Variants in SP4 observed in about 807,000 individuals in gnomAD.
The protein encoded by SP4 is transcription factor Sp4.
Under a neutral mutation model 72.8 loss-of-function variants are expected in SP4, and 19 were observed. The observed-to-expected ratio is 0.26, with a 90% CI of 0.18 to 0.38. The LOEUF (loss-of-function observed/expected upper bound fraction) is 0.38, where lower values mean the gene tolerates loss of function less well. Among genes scored for constraint, SP4 ranks in the 10% least tolerant of loss-of-function variants. SP4 has a pLI of 1.00. For synonymous variants in SP4, 395 were observed against 333.1 expected (o/e 1.19, Z -2.02); for missense variants, 1,008 against 926.3 (o/e 1.09, Z -1.14).
intron 5 of SP4, among the ~76,000 whole-genome samples, chr7:21,486,437 ATTTG>A (rs1051611059): frequency 1.9e-4 from 29 of 151,986 alleles, no homozygotes; most frequent in African/African-American, 6.5e-4. Context: ...AACACACTGC[ATTTG>A]TTTGTCATGT....
At chr7:21,442,558 CAGA>C (rs1449160446) in intron 3 of SP4, among the ~76,000 whole-genome samples, 1 of 151,996 alleles carries the variant, frequency 6.6e-6, no homozygotes, top group Non-Finnish European at 1.5e-5. Context: ...AATAGAATCC[CAGA>C]AGAAGGAAGA....
At chr7:21,434,519 A>G (rs1278095858) in intron 3 of SP4, among the ~76,000 whole-genome samples, 1 of 152,222 alleles carries the variant, frequency 6.6e-6, no homozygotes, top group African/African-American at 2.4e-5. Context: ...CATTAGTTAG[A>G]ATTGTAGTAG....
At chr7:21,485,970 C>T (rs760774560) in intron 5 of SP4, among the ~76,000 whole-genome samples, 1 of 151,908 alleles carries the variant, frequency 6.6e-6, no homozygotes, top group Non-Finnish European at 1.5e-5. Flanking sequence ...CTACTCTCTT[C>T]GTTGCTGGAA....
intron 3 of SP4, among the ~76,000 whole-genome samples, chr7:21,433,943 CA>C (rs569313640): frequency 1.2e-4 from 17 of 138,818 alleles, no homozygotes; most frequent in Admixed American, 2.9e-4. Context: ...AACTCCATCT[CA>C]AAAAAAAAAG....
chr7:21,494,386 G>A (rs1048547545), intron 5 of SP4, among the ~76,000 whole-genome samples: 4 of 152,182 alleles, frequency 2.6e-5, no homozygotes, highest in Middle Eastern at 3.4e-3. Flanking sequence ...TAGCAAATCC[G>A]TGGTGCCTAC....
In SP4 at chr7:21,486,761, A is replaced by G. The variant is rs186407390; in HGVS notation, c.2107+4638A>G. On this transcript the variant is annotated intron_variant, in intron 5 of 5. Transcript: ENST00000222584. ...GTAAAGTTACAGTTTCTCTCTTTCC[A>G]TATTGTTTGTTAGAAGCAAGTCACT... Among the ~76,000 whole-genome samples, 7 of 152,234 alleles carry G rather than the reference A, an allele frequency of 4.6e-5. No homozygotes were observed. In the East Asian group the frequency reaches 1.2e-3, roughly 25 times the overall value.
Position 21,512,223 on chromosome 7 carries a change from G to A in SP4, c.*954G>A, listed in dbSNP as rs1003421328. The A allele has an allele frequency of 6.6e-6, 1 of 152,512 alleles. No individual in the cohort carries two copies. The highest frequency in any genetic ancestry group is 2.4e-5 in the African/African-American group (1 of 41,416). The allele number at this position is 152,512 out of a possible 1,614,324, so 9.4% of individuals were successfully genotyped here. ...GTTGACAATGTGCAGAATTCTTTAT[G>A]CTTTGATGTGGTAGCCAAAGAAAGA... is the stretch of plus-strand genomic sequence containing the variant. On this transcript the variant is annotated 3_prime_UTR_variant, in exon 6 of 6. Coordinates refer to ENST00000222584, the MANE Select transcript of SP4 (RefSeq NM_003112.5).
chr7:21,451,688 G>A (rs1446721546), intron 3 of SP4, among the ~76,000 whole-genome samples: 1 of 152,172 alleles, frequency 6.6e-6, no homozygotes, highest in Non-Finnish European at 1.5e-5. Context: ...CTATAGAAGG[G>A]TGACTCTTGG....
intron 3 of SP4, among the ~76,000 whole-genome samples, chr7:21,434,219 T>G (rs1782971049): frequency 6.6e-6 from 1 of 152,218 alleles, no homozygotes; most frequent in South Asian, 2.1e-4. Context: ...TTTGACGGAA[T>G]GTAATTGCTA....
chr7:21,449,536 C>T (rs945247162), intron 3 of SP4, among the ~76,000 whole-genome samples: 4 of 151,912 alleles, frequency 2.6e-5, no homozygotes, highest in Admixed American at 6.6e-5. Context: ...AATACATATG[C>T]GTGTATAGGT....
At chr7:21,428,938 C>T (rs958848946) in intron 2 of SP4, 146 bp downstream of exon 2, 11 of 699,698 alleles carry the variant, frequency 1.6e-5, no homozygotes, top group Non-Finnish European at 2.6e-5. Context: ...ATTGTAAATT[C>T]ATCAAGTTTT....
At chr7:21,456,490 A>G (rs1783768227) in intron 3 of SP4, among the ~76,000 whole-genome samples, 1 of 152,198 alleles carries the variant, frequency 6.6e-6, no homozygotes, top group Admixed American at 6.5e-5. Flanking sequence ...TCCATCCACA[A>G]GGGAGCCCCT....
intron 3 of SP4, among the ~76,000 whole-genome samples, chr7:21,435,476 T>C (rs1357115196): frequency 1.3e-5 from 2 of 152,168 alleles, no homozygotes. Flanking sequence ...CTTACACTGA[T>C]CTTTTTTTCC....
At chr7:21,462,548 G>T (rs565264478) in intron 3 of SP4, among the ~76,000 whole-genome samples, 1 of 152,150 alleles carries the variant, frequency 6.6e-6, no homozygotes, top group East Asian at 1.9e-4. Flanking sequence ...TGAGCTAATA[G>T]TATGTTGAAA....
chr7:21,463,242 A>G (rs1395612748), intron 3 of SP4, among the ~76,000 whole-genome samples: 1 of 152,264 alleles, frequency 6.6e-6, no homozygotes, highest in Non-Finnish European at 1.5e-5. Context: ...AGGCAAAATC[A>G]TCTACAGATT....
chr7:21,470,870 C>G (rs946663359), intron 3 of SP4, among the ~76,000 whole-genome samples: 1 of 151,950 alleles, frequency 6.6e-6, no homozygotes, highest in Non-Finnish European at 1.5e-5. Context: ...GAACGGCCAT[C>G]CTCAGTCTGT....
chr7:21,457,896 A>G (rs1386937046), intron 3 of SP4, among the ~76,000 whole-genome samples: 1 of 152,228 alleles, frequency 6.6e-6, no homozygotes, highest in Non-Finnish European at 1.5e-5. Context: ...GCTATGAGCA[A>G]TTAATGTAAT....
intron 5 of SP4, among the ~76,000 whole-genome samples, chr7:21,495,032 A>G (rs1472527601): frequency 6.6e-6 from 1 of 152,188 alleles, no homozygotes. Flanking sequence ...AGAATTAGCC[A>G]TATGCAAAAC....
chr7:21,444,474 C>G (rs1583387737), intron 3 of SP4, among the ~76,000 whole-genome samples: 1 of 152,064 alleles, frequency 6.6e-6, no homozygotes, highest in African/African-American at 2.4e-5. Context: ...AAAACTGAGG[C>G]CTATAGAGGT....
Sources: allele counts gnomAD v4.1 joint callset (sites outside exome capture counted in the v4.1 genomes callset), GRCh38; gene constraint gnomAD v4.1.1; transcripts MANE v1.5; gene names NCBI Gene and HGNC (gene_info 2026-07-23, HGNC 2026-07-21).